GBP4: variants seen among roughly 807,000 people sequenced by gnomAD.
GBP4 encodes the protein guanylate-binding protein 4.
GBP4 carries 69 observed loss-of-function variants against 62.2 expected under a neutral mutation model. The ratio of observed to expected loss-of-function variants is 1.11; its 90% CI spans 0.91 to 1.36. The LOEUF (loss-of-function observed/expected upper bound fraction) is 1.36, where lower values mean the gene tolerates loss of function less well. GBP4 is among the 40% of genes most tolerant of loss of function. The pLI is 0.00. For synonymous variants in GBP4, 278 were observed against 274.6 expected (o/e 1.01, Z -0.12); for missense variants, 697 against 759.3 (o/e 0.92, Z 0.96).
At chr1:89,191,602 C>G in intron 5 of GBP4, 96 bp from the exon 6 acceptor site, 1 of 1,227,866 alleles carries the variant, frequency 8.1e-7, no homozygotes. Context: ...CTGCAGCTCC[C>G]CTGCCTTGTA....
intron 2 of GBP4, among the ~76,000 whole-genome samples, chr1:89,196,246 G>A (rs1053505203): frequency 6.6e-6 from 1 of 152,160 alleles, no homozygotes; most frequent in Non-Finnish European, 1.5e-5. Context: ...TATAAATAAT[G>A]GGTACACATA....
At position 89,188,664 on chromosome 1, in the gene GBP4, AC is replaced by A. The variant is rs759947825; in HGVS notation, c.1327del (p.Val443PhefsTer9). ...TAAGTAGAGATTGTGTCCTCCAGGA[AC>A]AGAGAAAATTCCTCTCAAAATGCTT... is the stretch of plus-strand genomic sequence containing the variant. ...TESILRGIFSVPGGHNLYLEE... is the reference protein window; with the variant it reads ...TESILRGIFSXPGGHNLYLEE... On this transcript the variant is annotated frameshift_variant, in exon 8 of 11. Transcript: ENST00000355754. LOFTEE classifies it high-confidence loss of function. The A allele has an allele frequency of 4.6e-5, 74 of 1,614,224 alleles. No homozygotes were observed. The South Asian group carries it at 7.1e-4, about 16-fold the overall frequency.
rs754127744 is a variant in GBP4 at position 89,186,418 on chromosome 1, T to C, written c.1622A>G (p.Tyr541Cys). 6.5e-7 allele frequency: 1 copy of C among 1,529,632 alleles called. No homozygotes were observed. The highest frequency in any genetic ancestry group is 9.1e-7 in the Non-Finnish European group (1 of 1,100,930). The allele number at this position is 1,529,632 out of a possible 1,614,324, so 94.8% of individuals were successfully genotyped here. ...CAACTTCTTCTCCATTTGGGCCATG[T>C]ATTCCTGGAAGCTTCTCTCTTGAGC... ...MEAQERSFQEYMAQMEKKLEE... is the reference protein window; with the variant it reads ...MEAQERSFQECMAQMEKKLEE... The change falls in exon 10 of 11, where the codon TAC (tyrosine) becomes TGC (cysteine). Residue 541 changes from tyrosine to cysteine, a missense_variant. By Grantham distance (194) the Tyr-to-Cys change is radical. Around this residue, in one of 2 missense-constraint regions of GBP4, gnomAD observed 141 missense variants for 196.6 expected, o/e 0.72. Transcript: ENST00000355754.
rs1056687410 is a variant in GBP4 at position 89,186,269 on chromosome 1, C to T, written c.1707+64G>A. On this transcript the variant is annotated intron_variant, in intron 10 of 10. Transcript: ENST00000355754. ...TCATGACTGTGCCTAAAATTTTGGT[C>T]CTTCCTTTCCTAAAGAAGCAGGGCA... 8.5e-6 allele frequency: 12 copies of T among 1,411,380 alleles called. No individual in the cohort carries two copies. In the African/African-American group the frequency reaches 8.5e-5, roughly 10 times the overall value. 87.4% of individuals were successfully genotyped at this position (1,411,380 alleles called of 1,614,324 possible).
chr1:89,186,197 A>C (rs1422222870), intron 10 of GBP4, 136 bp downstream of exon 10: 1 of 686,476 alleles, frequency 1.5e-6, no homozygotes, highest in Non-Finnish European at 2.5e-6. Flanking sequence ...ATTTAGATGT[A>C]TTTGAGATTT....
At chr1:89,186,910 C>T in intron 9 of GBP4, 90 bp downstream of exon 9, 1 of 1,224,698 alleles carries the variant, frequency 8.2e-7, no homozygotes, top group South Asian at 1.3e-5. Flanking sequence ...TTTGAAGCTC[C>T]TTTTAACTGG....
intron 7 of GBP4, among the ~76,000 whole-genome samples, chr1:89,189,329 G>A (rs1648119522): frequency 1.3e-5 from 2 of 152,120 alleles, no homozygotes; most frequent in Non-Finnish European, 2.9e-5. Context: ...TTATCACTAT[G>A]AATTAAGAGA....
chr1:89,197,652 T>G (rs1402259562), intron 1 of GBP4, among the ~76,000 whole-genome samples: 1 of 152,032 alleles, frequency 6.6e-6, no homozygotes, highest in African/African-American at 2.4e-5. Flanking sequence ...GCAGAATAAT[T>G]CCACTCCTGG....
intron 6 of GBP4, among the ~76,000 whole-genome samples, chr1:89,190,593 G>T (rs1307137965): frequency 2.0e-5 from 3 of 151,852 alleles, no homozygotes; most frequent in Non-Finnish European, 4.4e-5. Flanking sequence ...GTGTTTTATG[G>T]AAAAATACAT....
chr1:89,190,420 G>T (rs1648150466), intron 6 of GBP4, 102 bp from the exon 7 acceptor site: 1 of 1,028,026 alleles, frequency 9.7e-7, no homozygotes, highest in African/African-American at 1.6e-5. Context: ...TAATTATCTT[G>T]AAGTTTCTTA....
intron 10 of GBP4, among the ~76,000 whole-genome samples, chr1:89,185,892 G>A (rs1423648732): frequency 6.6e-6 from 1 of 152,208 alleles, no homozygotes; most frequent in Admixed American, 6.5e-5. Context: ...AGTTGTATAG[G>A]ATGAATCAGG....
At position 89,190,302 on chromosome 1, in the gene GBP4, C is replaced by T; in HGVS notation, c.933G>A (p.Val311=). The T allele has an allele frequency of 6.2e-7, 1 of 1,605,712 alleles. No individual in the cohort carries two copies. Among genetic ancestry groups the T allele is most frequent in the Non-Finnish European group, 8.5e-7 (1 of 1,173,166 alleles). Residue 311 remains valine (V), a synonymous_variant, in exon 7 of 11, where the codon GTG becomes GTA. Transcript: ENST00000355754. ...IVTGKRLGTL[V]VTYVDAINSG... The stretch of plus-strand genomic sequence containing the variant: ...TGTTGATGGCATCTACATAAGTCAC[C>T]ACCAGAGTCCCCAGCCCTGAATCAC...
chr1:89,195,541 T>C, intron 2 of GBP4, 117 bp from the exon 3 acceptor site: 1 of 1,253,136 alleles, frequency 8.0e-7, no homozygotes, highest in Non-Finnish European at 1.1e-6. Flanking sequence ...AAGGGTTGTT[T>C]CCATCTCAGG....
chr1:89,195,201 A>T, intron 3 of GBP4, 96 bp downstream of exon 3: 2 of 1,250,870 alleles, frequency 1.6e-6, no homozygotes, highest in Non-Finnish European at 1.1e-6. Context: ...TCATAATTAG[A>T]TTTGAGTTTA....
chr1:89,190,369 A>G (rs1169335567), intron 6 of GBP4, 51 bp from the exon 7 acceptor site: 12 of 1,475,748 alleles, frequency 8.1e-6, no homozygotes, highest in Middle Eastern at 1.8e-4. Flanking sequence ...CATTATTTAT[A>G]CAAGTTTTAA....
chr1:89,186,853 A>C, intron 9 of GBP4, 147 bp downstream of exon 9: 3 of 726,476 alleles, frequency 4.1e-6, no homozygotes, highest in Non-Finnish European at 6.8e-6. Context: ...TGTGCTGTAC[A>C]TTTGGTATCC....
chr1:89,192,127 C>T (rs1219570647), intron 5 of GBP4, among the ~76,000 whole-genome samples: 1 of 152,154 alleles, frequency 6.6e-6, no homozygotes, highest in African/African-American at 2.4e-5. Context: ...TTAGGTCTCA[C>T]ATTGTCTTGC....
rs1354095849 is a variant in GBP4, at chr1:89,183,711, C to T, written c.*1543G>A. 6.6e-6 allele frequency: 1 copy of T among 152,106 alleles called. No homozygotes were observed. The highest frequency in any genetic ancestry group is 2.4e-5 in the African/African-American group (1 of 41,404). The allele number at this position is 152,106 out of a possible 1,614,324, so 9.4% of individuals were successfully genotyped here. A position where few individuals can be genotyped will look rare whatever the true frequency, so the allele number is the denominator to read the frequency against. On this transcript the variant is annotated 3_prime_UTR_variant, in exon 11 of 11. Coordinates refer to ENST00000355754, the MANE Select transcript of GBP4 (RefSeq NM_052941.5). ...TTGGGCAACATGGAAAAACACATCT[C>T]TACAAACAAATACAAAAAATTAACT...
At chr1:89,188,896 C>T in intron 7 of GBP4, 102 bp from the exon 8 acceptor site, 1 of 1,165,278 alleles carries the variant, frequency 8.6e-7, no homozygotes, top group East Asian at 2.3e-5. Context: ...TCAGAGTGGA[C>T]TGGGATATGG....
Sources: allele counts gnomAD v4.1 joint callset (sites outside exome capture counted in the v4.1 genomes callset), GRCh38; gene constraint gnomAD v4.1.1; regional missense constraint gnomAD v4.1.1; transcripts MANE v1.5; gene names NCBI Gene and HGNC (gene_info 2026-07-23, HGNC 2026-07-21).